Variants in TP53I11 observed in about 807,000 individuals in gnomAD.
The protein encoded by TP53I11 is tumor protein p53 inducible protein 11, also known as tumor protein p53-inducible protein 11.
TP53I11 carries 9 observed loss-of-function variants against 23.3 expected under a neutral mutation model. The observed-to-expected ratio is 0.39, with a 90% CI of 0.23 to 0.67. TP53I11 has a LOEUF of 0.67. TP53I11 is among the 30% of genes least tolerant of loss of function. The pLI, the probability that TP53I11 is intolerant of heterozygous loss-of-function variation, is 0.48. For synonymous variants in TP53I11, 100 were observed against 106.1 expected (o/e 0.94, Z 0.35); for missense variants, 170 against 255.2 (o/e 0.67, Z 2.27).
At chr11:44,945,740 C>T (rs1415532041) in intron 1 of TP53I11, among the ~76,000 whole-genome samples, 1 of 151,920 alleles carries the variant, frequency 6.6e-6, no homozygotes, top group African/African-American at 2.4e-5. Context: ...AGTTGGGGGG[C>T]GGGGTGCTGG....
intron 1 of TP53I11, among the ~76,000 whole-genome samples, chr11:44,946,709 C>T (rs1007596960): frequency 3.9e-5 from 6 of 152,232 alleles, no homozygotes; most frequent in African/African-American, 1.4e-4. Flanking sequence ...GGAGACAGGA[C>T]AGCTGAGGTC....
In TP53I11 at chr11:44,950,808, G is replaced by GGC. The variant is rs1565141723; in HGVS notation, c.-164_-163insGC. ...GGCAGGGCAGGGCAGGGCAGGGCAG[G>GGC]ACAGGGCAGGGCAGGGCAGGGCCGG... is the stretch of plus-strand genomic sequence containing the variant. On this transcript the variant is annotated 5_prime_UTR_variant, in exon 1 of 7. Coordinates refer to ENST00000525680, the MANE Select transcript of TP53I11 (RefSeq NM_006034.5). The GGC allele has an allele frequency of 0.028, 3,473 of 124,512 alleles. 138 individuals carry two copies. Among genetic ancestry groups the GGC allele is most frequent in the African/African-American group, 0.087 (3,302 of 38,044 alleles). The allele number at this position is 124,512 out of a possible 1,614,324, so 7.7% of individuals were successfully genotyped here.
chr11:44,936,909 G>T lies in TP53I11; in HGVS notation c.238-10C>A. Reference sequence around the variant, plus strand: ...CAGGGAAGGCAAGCGCCTGCGGGCAGCGAGAGGGGCTCAGAGGTCCCGCTT... The same window carrying T: ...CAGGGAAGGCAAGCGCCTGCGGGCATCGAGAGGGGCTCAGAGGTCCCGCTT... On this transcript the variant is annotated splice_polypyrimidine_tract_variant and intron_variant, in intron 4 of 6. Transcript: ENST00000525680. This position sits in a 1 kb window ranked among gnomAD's most constrained non-coding sequence, Gnocchi z 4.4. 2 of 1,594,110 alleles carry T rather than the reference G, an allele frequency of 1.3e-6. No homozygotes were observed. The highest frequency in any genetic ancestry group is 1.7e-6 in the Non-Finnish European group (2 of 1,170,688).
intron 1 of TP53I11, chr11:44,940,384 C>CA (rs1861631407): frequency 2.6e-5 from 4 of 152,304 alleles, no homozygotes; most frequent in Admixed American, 2.6e-4. Context: ...TCCATCACCC[C>CA]AAAAACTCCC....
intron 1 of TP53I11, among the ~76,000 whole-genome samples, chr11:44,944,117 C>A (rs559485859): frequency 2.0e-5 from 3 of 152,206 alleles, no homozygotes; most frequent in Non-Finnish European, 2.9e-5. Flanking sequence ...TTGCCTTACT[C>A]ATGGGGTGCT....
At position 44,934,817 on chromosome 11, in the gene TP53I11, A is replaced by C. The variant is rs369532842; in HGVS notation, c.*67T>G. 1.6e-5 allele frequency: 25 copies of C among 1,601,150 alleles called. No homozygotes were observed. The East Asian group carries it at 3.1e-4, about 20-fold the overall frequency. On this transcript the variant is annotated 3_prime_UTR_variant, in exon 7 of 7. Coordinates refer to ENST00000525680, the MANE Select transcript of TP53I11 (RefSeq NM_006034.5). ...GGACCCTCCTGCCTTCCAGGAGCCAAAGGGAAGCCGAGGCCCCAGCGCCAC... is the reference window on the plus strand; with the variant it reads ...GGACCCTCCTGCCTTCCAGGAGCCACAGGGAAGCCGAGGCCCCAGCGCCAC...
At chr11:44,943,850 G>C (rs1221690216) in intron 1 of TP53I11, among the ~76,000 whole-genome samples, 1 of 152,212 alleles carries the variant, frequency 6.6e-6, no homozygotes, top group Non-Finnish European at 1.5e-5. Context: ...TGCACAGCAG[G>C]CACTTTGTCA....
intron 1 of TP53I11, among the ~76,000 whole-genome samples, chr11:44,946,319 G>A (rs1056449887): frequency 6.6e-6 from 1 of 152,224 alleles, no homozygotes. Flanking sequence ...CAGCTGGCTT[G>A]CTATCAGGCC....
At chr11:44,942,537 A>G (rs1479968129) in intron 1 of TP53I11, among the ~76,000 whole-genome samples, 1 of 152,120 alleles carries the variant, frequency 6.6e-6, no homozygotes, top group Non-Finnish European at 1.5e-5. Flanking sequence ...CGGCTGTGGG[A>G]CGTGTCAGTG....
chr11:44,945,370 T>C (rs1017150875), intron 1 of TP53I11, among the ~76,000 whole-genome samples: 5 of 152,196 alleles, frequency 3.3e-5, no homozygotes, highest in Non-Finnish European at 7.3e-5. Context: ...CGAAGGCTCA[T>C]GTGACTTATT....
rs1860879377 is a variant in TP53I11 at position 44,934,651 on chromosome 11, C to T, written c.*233G>A. ...GAGGTATCACTGTGAGGGTGAAGAACAGGGCAGCAGAGGCCCTGTCTCTCC... is the reference window on the plus strand; with the variant it reads ...GAGGTATCACTGTGAGGGTGAAGAATAGGGCAGCAGAGGCCCTGTCTCTCC... On this transcript the variant is annotated 3_prime_UTR_variant, in exon 7 of 7. Coordinates refer to ENST00000525680, the MANE Select transcript of TP53I11 (RefSeq NM_006034.5). 1.2e-5 allele frequency: 7 copies of T among 560,650 alleles called. No individual in the cohort carries two copies. In the Middle Eastern group the frequency reaches 1.4e-3, roughly 116 times the overall value. The allele number at this position is 560,650 out of a possible 1,614,324, so 34.7% of individuals were successfully genotyped here. A position where few individuals can be genotyped will look rare whatever the true frequency, so the allele number is the denominator to read the frequency against.
intron 2 of TP53I11, among the ~76,000 whole-genome samples, chr11:44,937,995 T>C (rs931195472): frequency 2.6e-5 from 4 of 152,210 alleles, no homozygotes; most frequent in African/African-American, 7.2e-5. Context: ...AACAAGAAGA[T>C]TTAAAAAGCA....
chr11:44,948,419 C>T (rs12802355), intron 1 of TP53I11, among the ~76,000 whole-genome samples: 48,185 of 152,036 alleles, frequency 0.32, 9,062 homozygotes, highest in Non-Finnish European at 0.42. Context: ...CCTCATCTCC[C>T]TCAAGGCTGT....
Position 44,937,305 on chromosome 11 carries a change from A to C in TP53I11, c.236T>G (p.Met79Arg). 6.6e-7 allele frequency: 1 copy of C among 1,507,412 alleles called. No individual in the cohort carries two copies. Among genetic ancestry groups the C allele is most frequent in the Non-Finnish European group, 8.9e-7 (1 of 1,129,304 alleles). The allele number at this position is 1,507,412 out of a possible 1,614,324, so 93.4% of individuals were successfully genotyped here. A position where few individuals can be genotyped will look rare whatever the true frequency, so the allele number is the denominator to read the frequency against. The change falls in exon 4 of 7, where the codon ATG (methionine) becomes AGG (arginine). Residue 79 changes from methionine (M) to arginine (R), a missense_variant and splice_region_variant. By Grantham distance (91) the Met-to-Arg change is moderately conservative. Coordinates refer to ENST00000525680, the MANE Select transcript of TP53I11 (RefSeq NM_006034.5). ...SAVLFSGIAI[M>R]ALAFPDQLYD... ...CAGGGGCTGGGGGTGGGGGCTCACC[A>C]TGATGGCAATGCCGGAGAAGAGCAC...
In TP53I11 at chr11:44,936,982, T is replaced by TGC; in HGVS notation, c.238-84_238-83insGC. On this transcript the variant is annotated intron_variant, in intron 4 of 6. Transcript: ENST00000525680. This position sits in a 1 kb window ranked among gnomAD's most constrained non-coding sequence, Gnocchi z 4.4. ...CTGATGCTTCCCACAGACGTCTTCC[T>TGC]TCCCCGCCAGGAGCAGGATCAGCAT... 9.9e-7 allele frequency: 1 copy of TGC among 1,007,166 alleles called. No homozygotes were observed. The highest frequency in any genetic ancestry group is 1.5e-6 in the Non-Finnish European group (1 of 684,272). 62.4% of individuals were successfully genotyped at this position (1,007,166 alleles called of 1,614,324 possible).
intron 1 of TP53I11, among the ~76,000 whole-genome samples, chr11:44,942,292 TACCACACACCACACCCAC>T (rs1861929860): frequency 9.8e-6 from 1 of 101,926 alleles, no homozygotes; most frequent in South Asian, 3.3e-4. Flanking sequence ...ACACACCACA[TACCACACACCACACCCAC>T]ACCACACATT....
chr11:44,937,011 T>C, intron 4 of TP53I11, 112 bp from the exon 5 acceptor site: 1 of 843,634 alleles, frequency 1.2e-6, no homozygotes, highest in Admixed American at 2.6e-5. Context: ...TCAGCATCCT[T>C]GGGGGCAGTC....
chr11:44,937,207 C>A lies in TP53I11; in HGVS notation c.237+97G>T, dbSNP rs553470623. The A allele has an allele frequency of 2.8e-6, 4 of 1,444,862 alleles. No individual in the cohort carries two copies. In the South Asian group the frequency reaches 4.9e-5, roughly 18 times the overall value. 89.5% of individuals were successfully genotyped at this position (1,444,862 alleles called of 1,614,324 possible). ...AGAGCCTGACAGATGGGCCCCTGCA[C>A]GAGGGGCCAGGATGGAGGAGGCACC... On this transcript the variant is annotated intron_variant, in intron 4 of 6. Transcript: ENST00000525680.
At chr11:44,949,138 G>A (rs1862675140) in intron 1 of TP53I11, among the ~76,000 whole-genome samples, 1 of 152,222 alleles carries the variant, frequency 6.6e-6, no homozygotes. Flanking sequence ...ACAGAAGCCT[G>A]GAGAATAGTC....
Sources: allele counts gnomAD v4.1 joint callset (sites outside exome capture counted in the v4.1 genomes callset), GRCh38; gene constraint gnomAD v4.1.1; non-coding constraint Gnocchi (gnomAD v3.1); transcripts MANE v1.5; gene names NCBI Gene and HGNC (gene_info 2026-07-23, HGNC 2026-07-21).